The following LYRM4 variants were observed in gnomAD, a reference collection of about 807,000 sequenced individuals.
LYRM4 encodes the protein LYR motif-containing protein 4.
In LYRM4, 9 loss-of-function variants were observed where a neutral mutation model predicts 11.7. That is an observed-to-expected ratio of 0.77 (90% confidence interval 0.46 to 1.34). The LOEUF is 1.34. Ranked by LOEUF, LYRM4 falls within the 40% of genes most tolerant of loss-of-function variation. The pLI is 0.00. For synonymous variants in LYRM4, 42 were observed against 40.4 expected, an observed-to-expected ratio of 1.04 and a Z score of -0.15; for missense variants, 133 against 112.5, an observed-to-expected ratio of 1.18 and a Z score of -0.82.
chr6:5,059,613 C>T, the LYRM4 span, among the ~76,000 whole-genome samples: 1 of 152,136 alleles, frequency 6.6e-6, no homozygotes, highest in African/African-American at 2.4e-5. Flanking sequence ...AGACTTTGTC[C>T]CCAGGCCATT....
chr6:5,089,387 T>C, the LYRM4 span: 6 of 152,220 alleles, frequency 3.9e-5, no homozygotes, highest in Non-Finnish European at 8.8e-5. Context: ...TGCTATAACA[T>C]TGTTTGAAAA....
the LYRM4 span, among the ~76,000 whole-genome samples, chr6:5,047,137 A>T: frequency 3.3e-5 from 5 of 152,168 alleles, no homozygotes; most frequent in Non-Finnish European, 7.4e-5. Flanking sequence ...AGGGGATAGG[A>T]TTACACAAAG....
chr6:5,098,064 T>C, the LYRM4 span, among the ~76,000 whole-genome samples: 1 of 152,070 alleles, frequency 6.6e-6, no homozygotes, highest in African/African-American at 2.4e-5. Context: ...ACAGGCAGAG[T>C]CCTCCTGCCT....
At position 5,121,821 on chromosome 6, in the gene LYRM4, G is replaced by T. The variant is rs76763178; in HGVS notation, c.208-12330C>A. ...TGCTTCATGCCACCAAAACCACAGCGGCAAGGCCAGAATCCTGGCCCCTCT... is the reference window on the plus strand; with the variant it reads ...TGCTTCATGCCACCAAAACCACAGCTGCAAGGCCAGAATCCTGGCCCCTCT... On this transcript the variant is annotated intron_variant, in intron 2 of 2. Transcript: ENST00000330636. Among the ~76,000 whole-genome samples, 170 of 152,276 alleles carry T rather than the reference G, an allele frequency of 1.1e-3. 1 individual carries two copies. Among genetic ancestry groups the T allele is most frequent in the African/African-American group, 4.1e-3 (169 of 41,554 alleles).
intron 2 of LYRM4, among the ~76,000 whole-genome samples, chr6:5,144,503 G>A (rs1757591095): frequency 3.3e-5 from 5 of 151,732 alleles, no homozygotes; most frequent in Admixed American, 2.0e-4. Context: ...CGGGCATGGC[G>A]GTGGGCGCCC....
intron 2 of LYRM4, among the ~76,000 whole-genome samples, chr6:5,180,636 G>T (rs1760016290): frequency 6.6e-6 from 1 of 152,314 alleles, no homozygotes; most frequent in South Asian, 2.1e-4. Context: ...CTGGTTCGTT[G>T]GTTCCTCCTA....
the LYRM4 span, among the ~76,000 whole-genome samples, chr6:5,037,598 G>A: frequency 9.8e-4 from 75 of 76,500 alleles, no homozygotes; most frequent in East Asian, 6.0e-3. Context: ...GGGCAGAGGC[G>A]CCCCTCACCT....
the LYRM4 span, chr6:5,086,866 C>A: frequency 2.4e-6 from 1 of 412,754 alleles, no homozygotes; most frequent in African/African-American, 2.1e-5. Flanking sequence ...TTCCAAGGCC[C>A]GGAGCAGCTG....
the LYRM4 span, among the ~76,000 whole-genome samples, chr6:5,082,296 T>C: frequency 2.6e-5 from 4 of 152,206 alleles, no homozygotes; most frequent in South Asian, 8.3e-4. Flanking sequence ...AATTGAATTA[T>C]TGGACACCCT....
chr6:5,063,886 G>A, the LYRM4 span, among the ~76,000 whole-genome samples: 1 of 152,174 alleles, frequency 6.6e-6, no homozygotes, highest in South Asian at 2.1e-4. Flanking sequence ...AGTGGCATGC[G>A]CTGGTCCCAG....
chr6:5,129,710 G>A (rs1352120903), intron 2 of LYRM4, among the ~76,000 whole-genome samples: 2 of 152,128 alleles, frequency 1.3e-5, no homozygotes, highest in African/African-American at 4.8e-5. Context: ...GCCTTTGGGG[G>A]CCATTATTCA....
At chr6:5,225,646 C>T (rs1561884096) in intron 1 of LYRM4, among the ~76,000 whole-genome samples, 1 of 152,190 alleles carries the variant, frequency 6.6e-6, no homozygotes, top group Admixed American at 6.5e-5. Context: ...AATTGTGCTA[C>T]CACAAACAAT....
At chr6:5,065,707 G>C in the LYRM4 span, 1 of 167,190 alleles carries the variant, frequency 6.0e-6, no homozygotes, top group Non-Finnish European at 1.3e-5. Context: ...GTTATCTTCT[G>C]CTGAAAGGAT....
chr6:5,254,082 G>GT (rs1307686062), intron 1 of LYRM4, among the ~76,000 whole-genome samples: 6 of 152,158 alleles, frequency 3.9e-5, no homozygotes, highest in African/African-American at 1.4e-4. Flanking sequence ...CGGCAAAACT[G>GT]TTTCATCTGA....
chr6:5,160,784 G>A (rs1315189751), intron 2 of LYRM4, among the ~76,000 whole-genome samples: 1 of 152,168 alleles, frequency 6.6e-6, no homozygotes, highest in Non-Finnish European at 1.5e-5. Context: ...CCTGCTCAGT[G>A]CACGGTTCTG....
At chr6:5,152,294 G>C (rs1269545236) in intron 2 of LYRM4, among the ~76,000 whole-genome samples, 4 of 152,116 alleles carry the variant, frequency 2.6e-5, no homozygotes, top group Non-Finnish European at 4.4e-5. Context: ...TCAGCTGCAG[G>C]CAAGTATGTG....
At chr6:5,256,491 G>GAAAAAA (rs1161084364) in intron 1 of LYRM4, among the ~76,000 whole-genome samples, 4 of 43,878 alleles carry the variant, frequency 9.1e-5, no homozygotes, top group Admixed American at 3.4e-4. Context: ...ATTTCAACTG[G>GAAAAAA]AAAAAAAAAA....
chr6:5,070,758 G>A, the LYRM4 span, among the ~76,000 whole-genome samples: 3 of 150,772 alleles, frequency 2.0e-5, no homozygotes, highest in Non-Finnish European at 4.4e-5. Flanking sequence ...ATGCCTGTCA[G>A]CTACTTGGGA....
chr6:5,037,782 C>A, the LYRM4 span, among the ~76,000 whole-genome samples: 5 of 62,908 alleles, frequency 7.9e-5, no homozygotes, highest in Admixed American at 2.1e-4. Flanking sequence ...GCGCCCCTCA[C>A]CTCCCGGACG....
Sources: allele counts gnomAD v4.1 joint callset (sites outside exome capture counted in the v4.1 genomes callset), GRCh38; gene constraint gnomAD v4.1.1; transcripts MANE v1.5; gene names NCBI Gene and HGNC (gene_info 2026-07-23, HGNC 2026-07-21).